The following PLA2G6 variants were observed in gnomAD, a reference collection of about 807,000 sequenced individuals.
The protein encoded by PLA2G6 is phospholipase A2 group VI.
A neutral mutation model predicts 83.8 loss-of-function variants in PLA2G6; 62 were observed. That is an observed-to-expected ratio of 0.74 (90% CI 0.60 to 0.91). The LOEUF (loss-of-function observed/expected upper bound fraction) is 0.91, where lower values mean the gene tolerates loss of function less well. Ranked by LOEUF, PLA2G6 falls within the 40% of genes least tolerant of loss-of-function variation. The pLI, the probability that PLA2G6 is intolerant of heterozygous loss-of-function variation, is 0.00. For synonymous variants in PLA2G6, 417 were observed against 449.8 expected, an observed-to-expected ratio of 0.93 and a Z score of 0.92; for missense variants, 944 against 1,102.0, an observed-to-expected ratio of 0.86 and a Z score of 2.03.
chr22:38,116,028 C>T (rs952927345), intron 13 of PLA2G6, 47 bp downstream of exon 13: 2 of 1,608,392 alleles, frequency 1.2e-6, no homozygotes, highest in Admixed American at 1.7e-5. Context: ...ACCCCACAGC[C>T]TCTCGGGCCA....
At chr22:38,146,703 T>C (rs1298146265) in intron 2 of PLA2G6, 1 of 151,864 alleles carries the variant, frequency 6.6e-6, no homozygotes, top group Admixed American at 6.6e-5. Flanking sequence ...AATTATGGTA[T>C]AACTATGTAA....
At chr22:38,173,345 T>C (rs1035165371) in intron 1 of PLA2G6, among the ~76,000 whole-genome samples, 1 of 151,934 alleles carries the variant, frequency 6.6e-6, no homozygotes, top group Admixed American at 6.6e-5. Context: ...GGCTTCTCCC[T>C]GCACCCCCAG....
chr22:38,123,038 C>T lies in PLA2G6; in HGVS notation c.1591+57G>A. On this transcript the variant is annotated intron_variant, in intron 11 of 16. Coordinates refer to ENST00000332509, the MANE Select transcript of PLA2G6 (RefSeq NM_003560.4). This position sits in a 1 kb window ranked among gnomAD's most constrained non-coding sequence, Gnocchi z 4.1. ...GCAAAGCCCTGAAGACAAACTCGGC[C>T]CCTTGAGGACACAGGTCTCAGCCCC... 1 of 1,493,452 alleles carries T rather than the reference C, an allele frequency of 6.7e-7. No homozygotes were observed. Among genetic ancestry groups the T allele is most frequent in the East Asian group, 2.5e-5 (1 of 40,630 alleles). 92.5% of individuals were successfully genotyped at this position (1,493,452 alleles called of 1,614,324 possible). A position where few individuals can be genotyped will look rare whatever the true frequency, so the allele number is the denominator to read the frequency against.
In PLA2G6 at chr22:38,113,596, G is replaced by A. The variant is rs1393761576; in HGVS notation, c.2093C>T (p.Ser698Phe). The A allele has an allele frequency of 6.2e-7, 1 of 1,613,724 alleles. No individual in the cohort carries two copies. ...SIVVSLGTGRSPQVPVTCVDV... is the reference protein window; with the variant it reads ...SIVVSLGTGRFPQVPVTCVDV... ...CACACAGGTCACAGGCACTTGTGGGGACCTCCCTGTCCCCAGGGAGACAAC... is the reference window on the plus strand; with the variant it reads ...CACACAGGTCACAGGCACTTGTGGGAACCTCCCTGTCCCCAGGGAGACAAC... The change falls in exon 15 of 17, where the codon TCC (serine) becomes TTC (phenylalanine). Residue 698 changes from serine to phenylalanine, a missense_variant. Coordinates refer to ENST00000332509, the MANE Select transcript of PLA2G6 (RefSeq NM_003560.4).
chr22:38,136,854 G>A (rs2088584774), intron 5 of PLA2G6: 1 of 149,058 alleles, frequency 6.7e-6, no homozygotes, highest in African/African-American at 2.5e-5. Flanking sequence ...ATCTCTCTAA[G>A]CCCTGGTTTC....
At chr22:38,118,223 C>T (rs1025210615) in intron 12 of PLA2G6, among the ~76,000 whole-genome samples, 2 of 152,096 alleles carry the variant, frequency 1.3e-5, no homozygotes, top group Admixed American at 6.6e-5. Context: ...TGGCCTGCAA[C>T]GTGGTCAGGC....
rs2087640997 is a variant in PLA2G6, at chr22:38,123,401, A to C, written c.1428-143T>G. The stretch of plus-strand genomic sequence containing the variant: ...CCGAGGAACTTCTGTCCTATGCAGG[A>C]CAGCGAGGGTGGGGGTGAGGGCAGT... On this transcript the variant is annotated intron_variant, in intron 10 of 16. Coordinates refer to ENST00000332509, the MANE Select transcript of PLA2G6 (RefSeq NM_003560.4). This position sits in a 1 kb window ranked among gnomAD's most constrained non-coding sequence, Gnocchi z 4.1. The C allele has an allele frequency of 2.4e-6, 2 of 823,210 alleles. No homozygotes were observed. The highest frequency in any genetic ancestry group is 4.0e-6 in the Non-Finnish European group (2 of 496,802). 51.0% of individuals were successfully genotyped at this position (823,210 alleles called of 1,614,324 possible).
At chr22:38,115,737 T>C (rs910928544) in intron 13 of PLA2G6, 56 bp from the exon 14 acceptor site, 4 of 1,550,494 alleles carry the variant, frequency 2.6e-6, no homozygotes, top group African/African-American at 1.4e-5. Context: ...ATAAAACCCA[T>C]GCACTCCAGA....
chr22:38,112,608 G>A, intron 15 of PLA2G6, 31 bp from the exon 16 acceptor site: 1 of 1,533,746 alleles, frequency 6.5e-7, no homozygotes, highest in Non-Finnish European at 8.8e-7. Context: ...TGAGTGCCGG[G>A]CCCACACCCC....
At chr22:38,115,751 C>G in intron 13 of PLA2G6, 70 bp from the exon 14 acceptor site, 2 of 1,531,454 alleles carry the variant, frequency 1.3e-6, no homozygotes, top group Non-Finnish European at 1.8e-6. Context: ...CTCCAGATCT[C>G]AGGGTGTGCG....
In PLA2G6 at chr22:38,132,869, C is replaced by T. The variant is rs1569263730; in HGVS notation, c.1039G>A (p.Gly347Arg). ...TGCAGCGGGGTGTTGCCGTGCTCTCCGCGGGCATCCGCGTTGGCCCCGTGG... is the reference window on the plus strand; with the variant it reads ...TGCAGCGGGGTGTTGCCGTGCTCTCTGCGGGCATCCGCGTTGGCCCCGTGG... Reference protein sequence around the residue: ...LTHGANADARGEHGNTPLHLA... With the variant: ...LTHGANADARREHGNTPLHLA... The change falls in exon 7 of 17, where the codon GGA becomes AGA. Residue 347 changes from glycine (G) to arginine (R), a missense_variant. Physicochemically the swap from Gly to Arg is moderately radical, Grantham distance 125. Coordinates refer to ENST00000332509, the MANE Select transcript of PLA2G6 (RefSeq NM_003560.4). The surrounding 1 kb of genome is among the most constrained non-coding windows in gnomAD (Gnocchi z 5.0). The T allele has an allele frequency of 2.6e-6, 4 of 1,552,272 alleles. No individual in the cohort carries two copies. The highest frequency in any genetic ancestry group is 1.2e-5 in the South Asian group (1 of 84,250).
At chr22:38,160,903 G>C (rs1259521723) in intron 2 of PLA2G6, among the ~76,000 whole-genome samples, 1 of 152,156 alleles carries the variant, frequency 6.6e-6, no homozygotes. Context: ...TTTGGGAAGA[G>C]GGGACAAAAG....
chr22:38,112,088 G>A lies in PLA2G6; in HGVS notation c.*73C>T. Reference sequence around the variant, plus strand: ...CCTGGGCCCAGATCTGCCCGGGAGGGCAGTGGCTGGGCTTGGCCTGGCAGG... The same window carrying A: ...CCTGGGCCCAGATCTGCCCGGGAGGACAGTGGCTGGGCTTGGCCTGGCAGG... On this transcript the variant is annotated 3_prime_UTR_variant, in exon 17 of 17. Coordinates refer to ENST00000332509, the MANE Select transcript of PLA2G6 (RefSeq NM_003560.4). 6.6e-7 allele frequency: 1 copy of A among 1,512,374 alleles called. No individual in the cohort carries two copies. The highest frequency in any genetic ancestry group is 9.0e-7 in the Non-Finnish European group (1 of 1,113,308). 93.7% of individuals were successfully genotyped at this position (1,512,374 alleles called of 1,614,324 possible). A position where few individuals can be genotyped will look rare whatever the true frequency, so the allele number is the denominator to read the frequency against.
At chr22:38,163,823 G>T (rs1440135280) in intron 2 of PLA2G6, among the ~76,000 whole-genome samples, 1 of 152,114 alleles carries the variant, frequency 6.6e-6, no homozygotes, top group Non-Finnish European at 1.5e-5. Flanking sequence ...GTGAAGATGG[G>T]ATGTGGGAGG....
Position 38,148,611 on chromosome 22 carries a change from G to C in PLA2G6, c.210-2958C>G. On this transcript the variant is annotated intron_variant, in intron 2 of 16. Coordinates refer to ENST00000332509, the MANE Select transcript of PLA2G6 (RefSeq NM_003560.4). ...TCATGGGGCTCAGGACACAGGGACT[G>C]GAGCCCAGGCGTCTGCCAAGAGGAG... The C allele has an allele frequency of 4.2e-6, 3 of 713,414 alleles. No individual in the cohort carries two copies. In the South Asian group the frequency reaches 4.5e-5, roughly 11 times the overall value. The allele number at this position is 713,414 out of a possible 1,614,324, so 44.2% of individuals were successfully genotyped here. A position where few individuals can be genotyped will look rare whatever the true frequency, so the allele number is the denominator to read the frequency against.
chr22:38,162,078 G>A (rs2090033947), intron 2 of PLA2G6, among the ~76,000 whole-genome samples: 1 of 151,852 alleles, frequency 6.6e-6, no homozygotes. Context: ...TGTGGTGGCG[G>A]GTGCCTATAA....
At chr22:38,125,446 A>G (rs1430333611) in intron 10 of PLA2G6, among the ~76,000 whole-genome samples, 3 of 152,174 alleles carry the variant, frequency 2.0e-5, no homozygotes, top group Non-Finnish European at 1.5e-5. Flanking sequence ...GTGCGAAGTG[A>G]GAGGACCCAC....
chr22:38,148,773 G>A, intron 2 of PLA2G6: 1 of 442,622 alleles, frequency 2.3e-6, no homozygotes, highest in Non-Finnish European at 4.0e-6. Context: ...CCAGAAACTA[G>A]ACTGAGGTTA....
chr22:38,120,427 C>A (rs1041075417), intron 12 of PLA2G6, among the ~76,000 whole-genome samples: 1 of 152,232 alleles, frequency 6.6e-6, no homozygotes, highest in Non-Finnish European at 1.5e-5. Context: ...GAAGGGTGGC[C>A]CAGGCTCTCT....
Sources: allele counts gnomAD v4.1 joint callset (sites outside exome capture counted in the v4.1 genomes callset), GRCh38; gene constraint gnomAD v4.1.1; non-coding constraint Gnocchi (gnomAD v3.1); transcripts MANE v1.5; gene names NCBI Gene and HGNC (gene_info 2026-07-23, HGNC 2026-07-21).